The following CCNY variants were observed in gnomAD, a reference collection of about 807,000 sequenced individuals.
CCNY encodes cyclin-Y.
Under a neutral mutation model 42.8 loss-of-function variants are expected in CCNY, and 19 were observed. The ratio of observed to expected loss-of-function variants is 0.44; its 90% CI spans 0.31 to 0.65. The LOEUF is 0.65. Ranked by LOEUF, CCNY falls within the 30% of genes least tolerant of loss-of-function variation. The probability of loss-of-function intolerance (pLI) is 0.07; values close to 1 mark genes in which losing one functional copy is unlikely to be tolerated. For missense variants in CCNY, 370 were observed against 437.3 expected, an observed-to-expected ratio of 0.85 and a Z score of 1.37; for synonymous variants, 165 against 162.7, an observed-to-expected ratio of 1.01 and a Z score of -0.11.
intron 3 of CCNY, among the ~76,000 whole-genome samples, chr10:35,305,269 C>T (rs1287201768): frequency 1.3e-5 from 2 of 152,086 alleles, no homozygotes; most frequent in African/African-American, 4.8e-5. Flanking sequence ...AGAAAAATTT[C>T]CTACAGTTAA....
intron 1 of CCNY, among the ~76,000 whole-genome samples, chr10:35,470,868 A>G (rs562833028): frequency 6.6e-6 from 1 of 152,364 alleles, no homozygotes; most frequent in South Asian, 2.1e-4. Context: ...AACAAAAGAA[A>G]CAATCTGATT....
intron 3 of CCNY, among the ~76,000 whole-genome samples, chr10:35,269,630 TG>T (rs1306953732): frequency 0.041 from 5,654 of 138,086 alleles, 361 homozygotes; most frequent in African/African-American, 0.15. Flanking sequence ...TTTTTTTTTT[TG>T]TTTTGTTTTT....
At chr10:35,347,170 T>C (rs1185803161) in intron 1 of CCNY, among the ~76,000 whole-genome samples, 3 of 152,232 alleles carry the variant, frequency 2.0e-5, no homozygotes, top group African/African-American at 7.2e-5. Context: ...CATTGTCCCG[T>C]ACTGGGGATG....
At chr10:35,461,973 T>G (rs1027580505) in intron 1 of CCNY, among the ~76,000 whole-genome samples, 2 of 152,090 alleles carry the variant, frequency 1.3e-5, no homozygotes, top group African/African-American at 4.8e-5. Flanking sequence ...CTCCTTACAC[T>G]CAATATAGTT....
chr10:35,462,323 C>T (rs1839174042), intron 1 of CCNY, among the ~76,000 whole-genome samples: 1 of 152,222 alleles, frequency 6.6e-6, no homozygotes, highest in Non-Finnish European at 1.5e-5. Flanking sequence ...AGGACCCCGT[C>T]TTGCCACTGG....
intron 1 of CCNY, among the ~76,000 whole-genome samples, chr10:35,428,200 G>A (rs770394568): frequency 9.9e-5 from 15 of 152,130 alleles, no homozygotes; most frequent in Non-Finnish European, 2.1e-4. Flanking sequence ...TGGGAGAGAT[G>A]GGCATTCACA....
At chr10:35,264,224 ATTTC>A (rs1402918366) in intron 3 of CCNY, among the ~76,000 whole-genome samples, 1 of 151,868 alleles carries the variant, frequency 6.6e-6, no homozygotes, top group Non-Finnish European at 1.5e-5. Context: ...GTCAAATGGT[ATTTC>A]TTTCTTTTTT....
chr10:35,426,794 A>C (rs1838283777), intron 1 of CCNY, among the ~76,000 whole-genome samples: 1 of 152,256 alleles, frequency 6.6e-6, no homozygotes. Flanking sequence ...AGTATTCTGA[A>C]TTAGCAAATC....
chr10:35,526,513 C>G (rs1284766540), intron 5 of CCNY, among the ~76,000 whole-genome samples: 2 of 152,114 alleles, frequency 1.3e-5, no homozygotes, highest in Non-Finnish European at 2.9e-5. Context: ...CTACCTTATA[C>G]ATTTTATTTC....
At chr10:35,353,890 G>T (rs569945224) in intron 1 of CCNY, among the ~76,000 whole-genome samples, 16 of 152,298 alleles carry the variant, frequency 1.1e-4, no homozygotes, top group African/African-American at 3.8e-4. Context: ...CTCAGTTTTT[G>T]TGAGTCAGGA....
chr10:35,465,938 A>AGAGAGAGAGAGAGAGAGAGAGAGTGTGT lies in CCNY; in HGVS notation c.155-17465_155-17464insAGAGAGAGAGAGAGAGAGAGAGTGTGTG. Among the ~76,000 whole-genome samples the AGAGAGAGAGAGAGAGAGAGAGAGTGTGT allele has an allele frequency of 1.4e-3, 110 of 80,918 alleles. 1 individual carries two copies. The highest frequency in any genetic ancestry group is 1.8e-3 in the Non-Finnish European group (67 of 37,750). The allele number at this position is 80,918 out of a possible 152,430, so 53.1% of individuals were successfully genotyped here. On this transcript the variant is annotated intron_variant, in intron 1 of 9. Transcript: ENST00000374704. ...GAGAGAGAGAGAGAGAGAGAGAGAG[A>AGAGAGAGAGAGAGAGAGAGAGAGTGTGT]GTGTGTGTGTGTGTGTGTGTGTCTG...
chr10:35,568,964 C>G, intron 9 of CCNY, 90 bp from the exon 10 acceptor site: 1 of 815,858 alleles, frequency 1.2e-6, no homozygotes, highest in Non-Finnish European at 2.1e-6. Context: ...TCTGCCTGTC[C>G]CTCATGCAGC....
chr10:35,295,219 C>A (rs182236572), intron 3 of CCNY, among the ~76,000 whole-genome samples: 2 of 143,136 alleles, frequency 1.4e-5, no homozygotes, highest in African/African-American at 5.2e-5. Flanking sequence ...AATAAGTTAT[C>A]CCCTATAATA....
In CCNY at chr10:35,347,111, C is replaced by T. The variant is rs114076139; in HGVS notation, c.154+9904C>T. On this transcript the variant is annotated intron_variant, in intron 1 of 9. Coordinates refer to ENST00000374704, the MANE Select transcript of CCNY (RefSeq NM_145012.6). Reference sequence around the variant, plus strand: ...ACTACTTGCATTAAAAAGTACTTCACTGCAGACACATTATCCCTTATTGGG... The same window carrying T: ...ACTACTTGCATTAAAAAGTACTTCATTGCAGACACATTATCCCTTATTGGG... Among the ~76,000 whole-genome samples, 336 of 152,346 alleles carry T rather than the reference C, an allele frequency of 2.2e-3. 1 individual carries two copies. Among genetic ancestry groups the T allele is most frequent in the African/African-American group, 7.6e-3 (316 of 41,576 alleles).
intron 1 of CCNY, among the ~76,000 whole-genome samples, chr10:35,352,460 C>T (rs569015772): frequency 7.9e-5 from 12 of 152,288 alleles, no homozygotes; most frequent in African/African-American, 2.6e-4. Context: ...CTTAGAGCCA[C>T]AGCCATTGTA....
intron 2 of CCNY, among the ~76,000 whole-genome samples, chr10:35,485,724 C>CAAAAAAAAAAAAAAAAAAAAA (rs60570748): frequency 1.0e-5 from 1 of 97,784 alleles, no homozygotes; most frequent in Non-Finnish European, 2.2e-5. Context: ...GACTCCGTCT[C>CAAAAAAAAAAAAAAAAAAAAA]AAAAAAAAAA....
At chr10:35,360,737 T>C (rs1008164835) in intron 1 of CCNY, among the ~76,000 whole-genome samples, 8 of 152,064 alleles carry the variant, frequency 5.3e-5, no homozygotes, top group African/African-American at 1.7e-4. Flanking sequence ...ATATGAACAT[T>C]AATACTCATC....
intron 3 of CCNY, among the ~76,000 whole-genome samples, chr10:35,515,186 G>C (rs915784422): frequency 1.3e-5 from 2 of 152,140 alleles, no homozygotes; most frequent in Non-Finnish European, 2.9e-5. Context: ...AAGAACCCTG[G>C]GGAGAGGCCT....
chr10:35,429,497 A>G (rs896638905), intron 1 of CCNY, among the ~76,000 whole-genome samples: 2 of 152,258 alleles, frequency 1.3e-5, no homozygotes, highest in Non-Finnish European at 2.9e-5. Context: ...GTCCTGAGAC[A>G]AAAGAGTTTG....
Sources: allele counts gnomAD v4.1 joint callset (sites outside exome capture counted in the v4.1 genomes callset), GRCh38; gene constraint gnomAD v4.1.1; transcripts MANE v1.5; gene names NCBI Gene and HGNC (gene_info 2026-07-23, HGNC 2026-07-21).